Variants in GRM5 observed in about 807,000 individuals in gnomAD.
GRM5 encodes the protein glutamate metabotropic receptor 5.
GRM5 carries 19 observed loss-of-function variants against 83.1 expected under a neutral mutation model. The observed-to-expected ratio is 0.23, with a 90% CI of 0.16 to 0.34. The LOEUF is 0.34. Ranked by LOEUF, GRM5 falls within the 10% of genes least tolerant of loss-of-function variation. The probability of loss-of-function intolerance (pLI) is 1.00; values close to 1 mark genes in which losing one functional copy is unlikely to be tolerated. For missense variants in GRM5, 1,160 were observed against 1,588.3 expected, an observed-to-expected ratio of 0.73 and a Z score of 4.58; for synonymous variants, 675 against 633.6, an observed-to-expected ratio of 1.07 and a Z score of -0.98.
chr11:88,741,909 T>C (rs1024424088), intron 3 of GRM5, among the ~76,000 whole-genome samples: 2 of 151,728 alleles, frequency 1.3e-5, no homozygotes, highest in African/African-American at 4.8e-5. Context: ...AACAGGAACA[T>C]ACACCTGTTT....
At chr11:88,652,322 A>C (rs1476633096) in intron 4 of GRM5, among the ~76,000 whole-genome samples, 1 of 151,984 alleles carries the variant, frequency 6.6e-6, no homozygotes, top group Non-Finnish European at 1.5e-5. Flanking sequence ...ACAAACTTTA[A>C]CCTTTGCAGG....
chr11:88,531,460 A>C (rs1462719686), intron 8 of GRM5, among the ~76,000 whole-genome samples: 1 of 152,168 alleles, frequency 6.6e-6, no homozygotes, highest in Non-Finnish European at 1.5e-5. Flanking sequence ...ATGAGATGCT[A>C]GGAAGATTCC....
chr11:89,016,773 A>G (rs1034691073), intron 2 of GRM5, among the ~76,000 whole-genome samples: 2 of 152,142 alleles, frequency 1.3e-5, no homozygotes, highest in African/African-American at 4.8e-5. Context: ...GAAATTTAGT[A>G]TATGCATACT....
intron 2 of GRM5, among the ~76,000 whole-genome samples, chr11:88,996,540 T>C (rs1260835991): frequency 6.6e-6 from 1 of 152,192 alleles, no homozygotes; most frequent in African/African-American, 2.4e-5. Flanking sequence ...CAAAAGCTGA[T>C]ACAATTTAAA....
At chr11:88,926,631 A>C (rs1945793504) in intron 2 of GRM5, among the ~76,000 whole-genome samples, 1 of 152,160 alleles carries the variant, frequency 6.6e-6, no homozygotes, top group Non-Finnish European at 1.5e-5. Flanking sequence ...ATCTCTACAA[A>C]TCTATATTAA....
intron 2 of GRM5, among the ~76,000 whole-genome samples, chr11:88,909,755 AC>A (rs1391868597): frequency 1.3e-5 from 2 of 152,174 alleles, no homozygotes; most frequent in East Asian, 3.9e-4. Context: ...CAAATGAGAA[AC>A]ACAATAATAA....
intron 2 of GRM5, among the ~76,000 whole-genome samples, chr11:88,939,027 A>C (rs1321129706): frequency 6.6e-6 from 1 of 151,784 alleles, no homozygotes; most frequent in East Asian, 1.9e-4. Context: ...TTAAATTCAC[A>C]ATTGCTCTAT....
At chr11:88,788,196 A>G (rs1943109704) in intron 3 of GRM5, among the ~76,000 whole-genome samples, 1 of 152,180 alleles carries the variant, frequency 6.6e-6, no homozygotes, top group Admixed American at 6.6e-5. Context: ...GCTCCAGAAT[A>G]ACTTTTCAAA....
chr11:88,839,551 A>G (rs1363086859), intron 3 of GRM5, among the ~76,000 whole-genome samples: 1 of 152,216 alleles, frequency 6.6e-6, no homozygotes. Context: ...GTTGACACAG[A>G]AATACAAGTG....
At chr11:88,808,424 A>T (rs1475500080) in intron 3 of GRM5, among the ~76,000 whole-genome samples, 1 of 152,064 alleles carries the variant, frequency 6.6e-6, no homozygotes, top group African/African-American at 2.4e-5. Flanking sequence ...AAAGAATATT[A>T]AACAATGTGT....
chr11:88,645,934 G>A (rs1939431454), intron 4 of GRM5, among the ~76,000 whole-genome samples: 1 of 152,170 alleles, frequency 6.6e-6, no homozygotes, highest in Non-Finnish European at 1.5e-5. Flanking sequence ...ATACAGCATG[G>A]ATGAGTGTAT....
At chr11:88,957,923 A>G (rs1344446483) in intron 2 of GRM5, among the ~76,000 whole-genome samples, 3 of 152,184 alleles carry the variant, frequency 2.0e-5, no homozygotes, top group South Asian at 2.1e-4. Flanking sequence ...TAATTTTTAA[A>G]TTCTAATTGT....
At chr11:88,772,440 TATTTTTATTC>T (rs1942758599) in intron 3 of GRM5, among the ~76,000 whole-genome samples, 1 of 151,932 alleles carries the variant, frequency 6.6e-6, no homozygotes, top group Admixed American at 6.6e-5. Context: ...GCCCTTTATT[TATTTTTATTC>T]ATTTTTTATT....
intron 2 of GRM5, among the ~76,000 whole-genome samples, chr11:89,036,963 T>A (rs1450447879): frequency 5.3e-5 from 8 of 152,236 alleles, no homozygotes; most frequent in Middle Eastern, 3.4e-3. Context: ...AATTTTAGAC[T>A]TGAGTATATA....
intron 3 of GRM5, among the ~76,000 whole-genome samples, chr11:88,671,335 C>T (rs1239946810): frequency 6.6e-6 from 1 of 151,956 alleles, no homozygotes; most frequent in Non-Finnish European, 1.5e-5. Flanking sequence ...ACCCTAAAAC[C>T]AATATATACT....
At chr11:88,948,408 C>A (rs928083611) in intron 2 of GRM5, among the ~76,000 whole-genome samples, 3 of 152,164 alleles carry the variant, frequency 2.0e-5, no homozygotes, top group Non-Finnish European at 4.4e-5. Context: ...ATGCTGCTTT[C>A]AGTTTCCACT....
At chr11:88,764,720 A>G (rs568078128) in intron 3 of GRM5, among the ~76,000 whole-genome samples, 10 of 151,780 alleles carry the variant, frequency 6.6e-5, no homozygotes, top group Admixed American at 4.6e-4. Flanking sequence ...CCAAGGAGGA[A>G]ATTTATAGCT....
intron 2 of GRM5, among the ~76,000 whole-genome samples, chr11:88,870,194 T>A: frequency 6.6e-6 from 1 of 151,332 alleles, no homozygotes; most frequent in East Asian, 1.9e-4. Flanking sequence ...TTTTTCTGAA[T>A]CATAGGGCCC....
At chr11:88,729,210 C>T (rs1387249201) in intron 3 of GRM5, among the ~76,000 whole-genome samples, 2 of 152,082 alleles carry the variant, frequency 1.3e-5, no homozygotes, top group Non-Finnish European at 2.9e-5. Context: ...GGAAAATTCA[C>T]AAGCATTCCT....
Sources: gnomAD v4.1 joint callset for allele counts (sites outside exome capture counted in the v4.1 genomes callset) on GRCh38, gnomAD v4.1.1 for gene constraint, MANE v1.5 for transcripts, NCBI Gene and HGNC (gene_info 2026-07-23, HGNC 2026-07-21) for gene names.